GRIN2A: variants seen among roughly 807,000 people sequenced by gnomAD.
GRIN2A encodes the protein glutamate ionotropic receptor NMDA type subunit 2A.
A neutral mutation model predicts 113.4 loss-of-function variants in GRIN2A; 22 were observed. That is an observed-to-expected ratio of 0.19 (90% CI 0.14 to 0.28). The LOEUF is 0.28. GRIN2A is among the 10% of genes least tolerant of loss of function. The pLI is 1.00. For synonymous variants in GRIN2A, 827 were observed against 738.4 expected (o/e 1.12, Z -1.94); for missense variants, 1,502 against 1,887.0 (o/e 0.80, Z 3.78).
chr16:9,795,293 G>A (rs2141221222), intron 11 of GRIN2A, among the ~76,000 whole-genome samples: 1 of 152,038 alleles, frequency 6.6e-6, no homozygotes, highest in African/African-American at 2.4e-5. Context: ...GCCATGAGAG[G>A]GATCTCTGGT....
intron 2 of GRIN2A, among the ~76,000 whole-genome samples, chr16:10,114,008 T>C (rs1003932221): frequency 4.6e-5 from 7 of 151,106 alleles, no homozygotes; most frequent in African/African-American, 1.7e-4. Flanking sequence ...ACAAAGACCC[T>C]CGTTCTTAAA....
At chr16:9,922,069 C>T (rs891369699) in intron 3 of GRIN2A, among the ~76,000 whole-genome samples, 1 of 152,032 alleles carries the variant, frequency 6.6e-6, no homozygotes. Context: ...TAATTTAAAG[C>T]AGACTCATTA....
intron 2 of GRIN2A, among the ~76,000 whole-genome samples, chr16:10,053,519 G>A (rs994839504): frequency 6.6e-6 from 1 of 152,242 alleles, no homozygotes; most frequent in Non-Finnish European, 1.5e-5. Flanking sequence ...CTTAAGGACT[G>A]TGAGTGACGA....
At chr16:9,854,926 G>C (rs916711866) in intron 4 of GRIN2A, among the ~76,000 whole-genome samples, 5 of 152,216 alleles carry the variant, frequency 3.3e-5, no homozygotes, top group African/African-American at 4.8e-5. Flanking sequence ...GAGGGAAAAT[G>C]AAGTTCCAGG....
At chr16:10,035,067 C>A (rs1270931697) in intron 2 of GRIN2A, among the ~76,000 whole-genome samples, 1 of 143,886 alleles carries the variant, frequency 6.9e-6, no homozygotes, top group African/African-American at 2.6e-5. Context: ...GTTCTGTCAC[C>A]CAGGCTGGAG....
rs995872112 is a variant in GRIN2A, at chr16:9,755,046, G to A, written c.*8103C>T. 7.5e-5 allele frequency: 15 copies of A among 198,756 alleles called. No individual in the cohort carries two copies. Among genetic ancestry groups the A allele is most frequent in the African/African-American group, 3.0e-4 (13 of 43,388 alleles). The allele number at this position is 198,756 out of a possible 1,614,324, so 12.3% of individuals were successfully genotyped here. On this transcript the variant is annotated 3_prime_UTR_variant, in exon 13 of 13. Coordinates refer to ENST00000330684, the MANE Select transcript of GRIN2A (RefSeq NM_001134407.3). ...AAATCTTTCCTAAAGGTGTGAAAGAGAATTAACTGGAAGAGGTCATGACCC... is the reference window on the plus strand; with the variant it reads ...AAATCTTTCCTAAAGGTGTGAAAGAAAATTAACTGGAAGAGGTCATGACCC...
rs1378201444 is a variant in GRIN2A, at chr16:9,840,814, A to C, written c.1498-14T>G. 3 of 395,926 alleles carry C rather than the reference A, an allele frequency of 7.6e-6. No homozygotes were observed. Among genetic ancestry groups the C allele is most frequent in the Non-Finnish European group, 1.1e-5 (3 of 265,140 alleles). 24.5% of individuals were successfully genotyped at this position (395,926 alleles called of 1,614,324 possible). A position where few individuals can be genotyped will look rare whatever the true frequency, so the allele number is the denominator to read the frequency against. ...TTGATAGACCACCTGGATGCAAGGC[A>C]AAAAAAAAAAAAAAAAAAAGAGAGA... On this transcript the variant is annotated splice_polypyrimidine_tract_variant and intron_variant, in intron 6 of 12. Coordinates refer to ENST00000330684, the MANE Select transcript of GRIN2A (RefSeq NM_001134407.3).
intron 2 of GRIN2A, among the ~76,000 whole-genome samples, chr16:10,128,299 T>C (rs1208383872): frequency 6.6e-6 from 1 of 152,132 alleles, no homozygotes; most frequent in East Asian, 1.9e-4. Context: ...GAGTTTCCAG[T>C]GAATTATCAA....
At chr16:9,788,779 G>A (rs565957861) in intron 11 of GRIN2A, among the ~76,000 whole-genome samples, 44 of 105,296 alleles carry the variant, frequency 4.2e-4, no homozygotes, top group Non-Finnish European at 6.9e-4. Context: ...GTCTCATTTT[G>A]TTGCCCAGGC....
At chr16:10,112,674 G>A (rs141221650) in intron 2 of GRIN2A, 171 of 758,628 alleles carry the variant, frequency 2.3e-4, no homozygotes, top group African/African-American at 1.8e-3. Context: ...ATACTTCAGC[G>A]AGGGGGAAAA....
At chr16:9,987,237 C>T (rs762737152) in intron 2 of GRIN2A, among the ~76,000 whole-genome samples, 2 of 152,162 alleles carry the variant, frequency 1.3e-5, no homozygotes, top group Non-Finnish European at 2.9e-5. Flanking sequence ...GCCCAGACCT[C>T]GCTAAATGAT....
intron 2 of GRIN2A, among the ~76,000 whole-genome samples, chr16:9,993,385 A>G (rs2046162491): frequency 6.6e-6 from 1 of 152,070 alleles, no homozygotes; most frequent in South Asian, 2.1e-4. Flanking sequence ...CCCCATCTCT[A>G]CAAAAAAATT....
intron 2 of GRIN2A, among the ~76,000 whole-genome samples, chr16:10,141,641 T>C (rs1057513945): frequency 6.6e-5 from 10 of 152,244 alleles, no homozygotes; most frequent in Non-Finnish European, 8.8e-5. Flanking sequence ...TCTGACTTCC[T>C]ACAGCTGCCA....
intron 4 of GRIN2A, among the ~76,000 whole-genome samples, chr16:9,871,553 G>A (rs78915678): frequency 3.1e-4 from 47 of 151,932 alleles, no homozygotes; most frequent in African/African-American, 8.0e-4. Flanking sequence ...TTCTAACTAC[G>A]TTCCAGGCCT....
At chr16:10,068,787 T>C (rs72774106) in intron 2 of GRIN2A, among the ~76,000 whole-genome samples, 13,850 of 152,160 alleles carry the variant, frequency 0.091, 710 homozygotes, top group Non-Finnish European at 0.11. Context: ...ACACCCAATC[T>C]AGGGTGATCA....
intron 4 of GRIN2A, among the ~76,000 whole-genome samples, chr16:9,878,128 T>A (rs2043408415): frequency 6.6e-6 from 1 of 152,190 alleles, no homozygotes; most frequent in South Asian, 2.1e-4. Context: ...CTTACATTTA[T>A]ACCACCTGTC....
chr16:10,003,770 A>G (rs1238655075), intron 2 of GRIN2A, among the ~76,000 whole-genome samples: 1 of 152,238 alleles, frequency 6.6e-6, no homozygotes, highest in Non-Finnish European at 1.5e-5. Flanking sequence ...CTTATGCAGC[A>G]AAGAATGAGG....
Position 9,757,477 on chromosome 16 carries a change from G to A in GRIN2A, c.*5672C>T, listed in dbSNP as rs9922811. 490 of 229,372 alleles carry A rather than the reference G, an allele frequency of 2.1e-3. 2 individuals carry two copies. Among genetic ancestry groups the A allele is most frequent in the African/African-American group, 0.01 (454 of 45,068 alleles). The allele number at this position is 229,372 out of a possible 1,614,324, so 14.2% of individuals were successfully genotyped here. A position where few individuals can be genotyped will look rare whatever the true frequency, so the allele number is the denominator to read the frequency against. On this transcript the variant is annotated 3_prime_UTR_variant, in exon 13 of 13. Transcript: ENST00000330684. ...TTTAGTCTCTGTTTGCATTGCATGG[G>A]TCCTTGGTTATCCTTTGTATTAGAG...
chr16:9,902,172 A>T (rs1034068640), intron 3 of GRIN2A, among the ~76,000 whole-genome samples: 54 of 152,338 alleles, frequency 3.5e-4, no homozygotes, highest in African/African-American at 1.3e-3. Context: ...AGAACCTCCA[A>T]TAATAAAGCT....
Sources: gnomAD v4.1 joint callset for allele counts (sites outside exome capture counted in the v4.1 genomes callset) on GRCh38, gnomAD v4.1.1 for gene constraint, MANE v1.5 for transcripts, NCBI Gene and HGNC (gene_info 2026-07-23, HGNC 2026-07-21) for gene names.